The following NLGN1 variants were observed in gnomAD, a reference collection of about 807,000 sequenced individuals.
NLGN1 encodes the protein neuroligin-1.
NLGN1 carries 12 observed loss-of-function variants against 65.5 expected under a neutral mutation model. The observed-to-expected ratio is 0.18, with a 90% confidence interval of 0.12 to 0.30. The LOEUF (loss-of-function observed/expected upper bound fraction) is 0.30. Ranked by LOEUF, NLGN1 falls within the 10% of genes least tolerant of loss-of-function variation. The pLI is 1.00. For synonymous variants in NLGN1, 350 were observed against 359.5 expected (o/e 0.97, Z 0.30); for missense variants, 750 against 1,007.1 (o/e 0.74, Z 3.46).
At chr3:173,654,860 A>C (rs2149662854) in intron 3 of NLGN1, among the ~76,000 whole-genome samples, 1 of 152,256 alleles carries the variant, frequency 6.6e-6, no homozygotes, top group African/African-American at 2.4e-5. Flanking sequence ...GAATTAATGG[A>C]TGGATGATGT....
chr3:174,206,609 G>C (rs1219200769), intron 4 of NLGN1, among the ~76,000 whole-genome samples: 1 of 152,178 alleles, frequency 6.6e-6, no homozygotes, highest in Non-Finnish European at 1.5e-5. Context: ...GTGCTCTATA[G>C]AAGTTACCTC....
At chr3:173,523,665 C>T (rs780067118) in intron 2 of NLGN1, among the ~76,000 whole-genome samples, 2 of 151,522 alleles carry the variant, frequency 1.3e-5, no homozygotes, top group African/African-American at 4.8e-5. Flanking sequence ...TAGCCTTATA[C>T]TATAATTTGA....
chr3:173,445,226 C>A (rs1327119468), intron 2 of NLGN1, among the ~76,000 whole-genome samples: 1 of 146,818 alleles, frequency 6.8e-6, no homozygotes, highest in African/African-American at 2.6e-5. Context: ...CGAGATCCCG[C>A]CACTGCACTC....
At chr3:173,621,548 C>T (rs1345472330) in intron 3 of NLGN1, among the ~76,000 whole-genome samples, 1 of 151,850 alleles carries the variant, frequency 6.6e-6, no homozygotes, top group Non-Finnish European at 1.5e-5. Flanking sequence ...AGAGTGGTTT[C>T]AGTAAAGGGT....
intron 2 of NLGN1, among the ~76,000 whole-genome samples, chr3:173,569,854 A>G (rs9834504): frequency 0.47 from 71,238 of 151,434 alleles, 16,339 homozygotes; most frequent in East Asian, 0.73. Flanking sequence ...AATGTATTCT[A>G]CACTACCACA....
chr3:174,182,761 A>C (rs1378787332), intron 4 of NLGN1, among the ~76,000 whole-genome samples: 2 of 152,194 alleles, frequency 1.3e-5, no homozygotes, highest in Non-Finnish European at 2.9e-5. Context: ...CACTGAGAAA[A>C]TGCAAGCCCA....
intron 2 of NLGN1, among the ~76,000 whole-genome samples, chr3:173,448,243 C>T (rs1323623061): frequency 6.6e-6 from 1 of 152,090 alleles, no homozygotes; most frequent in African/African-American, 2.4e-5. Flanking sequence ...CCCATCAATA[C>T]CTAATTTATT....
chr3:173,502,343 A>G (rs1577007348), intron 2 of NLGN1, among the ~76,000 whole-genome samples: 1 of 152,134 alleles, frequency 6.6e-6, no homozygotes, highest in Non-Finnish European at 1.5e-5. Context: ...CTAAAGGAGT[A>G]ATTTCAATGA....
Position 173,944,444 on chromosome 3 carries a change from G to T in NLGN1, c.646+136612G>T, listed in dbSNP as rs552570696. ...TGATGCTCTATGTTAGAAATAAATA[G>T]AGAAACTGGGAGGGGCAACCTTCTC... On this transcript the variant is annotated intron_variant, in intron 4 of 6. Coordinates refer to ENST00000457714, the Ensembl canonical transcript of NLGN1. Among the ~76,000 whole-genome samples, 17 of 152,212 alleles carry T rather than the reference G, an allele frequency of 1.1e-4. No individual in the cohort carries two copies. The South Asian group carries it at 3.3e-3, about 30-fold the overall frequency.
At chr3:173,747,229 A>T (rs9799052) in intron 3 of NLGN1, among the ~76,000 whole-genome samples, 1 of 146,236 alleles carries the variant, frequency 6.8e-6, no homozygotes, top group East Asian at 2.0e-4. Context: ...ATATATTTAA[A>T]TATATATATC....
intron 2 of NLGN1, among the ~76,000 whole-genome samples, chr3:173,502,126 G>A (rs1489114201): frequency 6.6e-6 from 1 of 152,048 alleles, no homozygotes; most frequent in African/African-American, 2.4e-5. Flanking sequence ...TTTTACAAGA[G>A]TAGACCTTTC....
intron 3 of NLGN1, among the ~76,000 whole-genome samples, chr3:173,632,419 T>G (rs993707000): frequency 6.6e-6 from 1 of 152,182 alleles, no homozygotes; most frequent in African/African-American, 2.4e-5. Context: ...TTCACAAATT[T>G]TGGTGCATCC....
intron 4 of NLGN1, among the ~76,000 whole-genome samples, chr3:173,850,941 T>C (rs140794035): frequency 0.03 from 4,613 of 151,966 alleles, 157 homozygotes; most frequent in Admixed American, 0.11. Context: ...GATGAAGTCT[T>C]GCCATGTTGC....
intron 4 of NLGN1, among the ~76,000 whole-genome samples, chr3:173,939,953 A>G (rs188486667): frequency 6.6e-6 from 1 of 152,248 alleles, no homozygotes; most frequent in East Asian, 1.9e-4. Context: ...CTTAAACAAA[A>G]ATCACATTGT....
At position 174,006,174 on chromosome 3, in the gene NLGN1, C is replaced by A. The variant is rs147449009; in HGVS notation, c.646+198342C>A. On this transcript the variant is annotated intron_variant, in intron 4 of 6. Coordinates refer to ENST00000457714, the Ensembl canonical transcript of NLGN1. ...AAGACCCTATTACTGACTGTAAAAA[C>A]TCCCTTCTCCAATTTCTTGGCTCAC... Among the ~76,000 whole-genome samples, 14 of 152,276 alleles carry A rather than the reference C, an allele frequency of 9.2e-5. No individual in the cohort carries two copies. In the East Asian group the frequency reaches 2.7e-3, roughly 29 times the overall value.
intron 3 of NLGN1, among the ~76,000 whole-genome samples, chr3:173,690,075 A>T (rs1016134639): frequency 2.6e-5 from 4 of 152,190 alleles, no homozygotes; most frequent in Admixed American, 2.6e-4. Context: ...CCGAATATTA[A>T]TCATTTACTT....
intron 3 of NLGN1, among the ~76,000 whole-genome samples, chr3:173,617,270 A>G (rs1203547148): frequency 6.6e-6 from 1 of 152,136 alleles, no homozygotes; most frequent in East Asian, 1.9e-4. Context: ...TTGTATCTTC[A>G]TATGAAATTA....
At chr3:174,157,185 A>T (rs942723788) in intron 4 of NLGN1, among the ~76,000 whole-genome samples, 1 of 151,690 alleles carries the variant, frequency 6.6e-6, no homozygotes, top group African/African-American at 2.4e-5. Context: ...CAAGTTGACC[A>T]AAGTGCTGTG....
chr3:174,260,927 T>C (rs1223428541), intron 4 of NLGN1, among the ~76,000 whole-genome samples: 2 of 148,778 alleles, frequency 1.3e-5, no homozygotes, highest in Non-Finnish European at 3.0e-5. Context: ...CCCAGCACCA[T>C]TTATTAAACA....
Sources: gnomAD v4.1 joint callset for allele counts (sites outside exome capture counted in the v4.1 genomes callset) on GRCh38, gnomAD v4.1.1 for gene constraint, MANE v1.5 for transcripts, NCBI Gene and HGNC (gene_info 2026-07-23, HGNC 2026-07-21) for gene names.